The following MKX variants were observed in gnomAD, a reference collection of about 807,000 sequenced individuals.
MKX encodes homeobox protein Mohawk.
A neutral mutation model predicts 36.0 loss-of-function variants in MKX; 13 were observed. The observed-to-expected ratio is 0.36, with a 90% CI of 0.24 to 0.57. The LOEUF is 0.57. MKX is among the 20% of genes least tolerant of loss of function. MKX has a pLI of 0.79. For synonymous variants in MKX, 176 were observed against 178.3 expected, an observed-to-expected ratio of 0.99 and a Z score of 0.10; for missense variants, 458 against 456.4, an observed-to-expected ratio of 1.00 and a Z score of -0.03.
chr10:27,695,258 A>C (rs970235029), intron 5 of MKX, among the ~76,000 whole-genome samples: 1 of 152,088 alleles, frequency 6.6e-6, no homozygotes, highest in Non-Finnish European at 1.5e-5. Context: ...CTGAACATAG[A>C]AGGAGAAACG....
intron 5 of MKX, among the ~76,000 whole-genome samples, chr10:27,702,568 T>C (rs988164373): frequency 1.3e-5 from 2 of 152,302 alleles, no homozygotes; most frequent in South Asian, 2.1e-4. Context: ...TTATTATATA[T>C]TCAGTCAAGG....
chr10:27,703,656 T>C (rs541525415), intron 5 of MKX, among the ~76,000 whole-genome samples: 1 of 152,222 alleles, frequency 6.6e-6, no homozygotes, highest in Non-Finnish European at 1.5e-5. Context: ...CCCAACACTT[T>C]GGGAGGCCGT....
chr10:27,717,315 T>C (rs1257368206), intron 5 of MKX, among the ~76,000 whole-genome samples: 1 of 152,186 alleles, frequency 6.6e-6, no homozygotes, highest in Non-Finnish European at 1.5e-5. Flanking sequence ...AGCTACAAAA[T>C]TTGTGATGAT....
intron 5 of MKX, among the ~76,000 whole-genome samples, chr10:27,714,307 T>C (rs1836925539): frequency 6.6e-6 from 1 of 152,216 alleles, no homozygotes; most frequent in African/African-American, 2.4e-5. Flanking sequence ...CATGTTATTT[T>C]AGTTCAAGGA....
chr10:27,720,703 T>C (rs955338150), intron 5 of MKX, among the ~76,000 whole-genome samples: 4 of 152,090 alleles, frequency 2.6e-5, no homozygotes, highest in Non-Finnish European at 4.4e-5. Flanking sequence ...TACTCTATGG[T>C]AAAATATGAG....
rs888634746 is a variant in MKX at position 27,743,424 on chromosome 10, T to C, written c.-9A>G. 1.3e-6 allele frequency: 2 copies of C among 1,539,008 alleles called. No homozygotes were observed. Among genetic ancestry groups the C allele is most frequent in the African/African-American group, 2.8e-5 (2 of 71,366 alleles). ...AAGACGATGGTGTTCATGGTGTCGGTTGGTAGGGACGCGCGGCGCGGCCGC... is the reference window on the plus strand; with the variant it reads ...AAGACGATGGTGTTCATGGTGTCGGCTGGTAGGGACGCGCGGCGCGGCCGC... On this transcript the variant is annotated 5_prime_UTR_variant, in exon 2 of 7. Transcript: ENST00000419761.
At chr10:27,732,552 TTTA>T (rs1834655463) in intron 5 of MKX, among the ~76,000 whole-genome samples, 1 of 152,188 alleles carries the variant, frequency 6.6e-6, no homozygotes, top group Admixed American at 6.5e-5. Context: ...GCTTGTTTAA[TTTA>T]TTATTGTTTT....
intron 5 of MKX, among the ~76,000 whole-genome samples, chr10:27,697,632 A>T (rs1836578965): frequency 6.6e-6 from 1 of 152,326 alleles, no homozygotes; most frequent in South Asian, 2.1e-4. Flanking sequence ...GCTCTTCTCC[A>T]TGTTGTCTTT....
intron 5 of MKX, among the ~76,000 whole-genome samples, chr10:27,724,795 C>CT (rs1226109197): frequency 6.7e-5 from 9 of 134,738 alleles, no homozygotes; most frequent in South Asian, 2.6e-4. Context: ...ACACACACCC[C>CT]GCAGAAACCT....
intron 5 of MKX, among the ~76,000 whole-genome samples, chr10:27,706,197 A>G (rs1423618636): frequency 6.6e-6 from 1 of 152,124 alleles, no homozygotes; most frequent in Non-Finnish European, 1.5e-5. Flanking sequence ...ATGTTGTAGC[A>G]TGTGTCAGAA....
At chr10:27,703,502 A>G (rs1331363571) in intron 5 of MKX, among the ~76,000 whole-genome samples, 2 of 136,642 alleles carry the variant, frequency 1.5e-5, no homozygotes, top group Non-Finnish European at 3.1e-5. Flanking sequence ...GCAATAAGCT[A>G]GAGAAAGACA....
At chr10:27,691,843 T>C (rs1056404898) in intron 5 of MKX, among the ~76,000 whole-genome samples, 15 of 152,230 alleles carry the variant, frequency 9.9e-5, no homozygotes, top group African/African-American at 3.6e-4. Flanking sequence ...CTTAGGATGA[T>C]GGCCTTCAGC....
chr10:27,677,488 G>T (rs1836175429), intron 5 of MKX, among the ~76,000 whole-genome samples: 1 of 152,116 alleles, frequency 6.6e-6, no homozygotes, highest in Non-Finnish European at 1.5e-5. Flanking sequence ...AAATTTCCCA[G>T]GAAGAGATAG....
intron 5 of MKX, among the ~76,000 whole-genome samples, chr10:27,676,582 T>A (rs1375581053): frequency 6.6e-6 from 1 of 151,996 alleles, no homozygotes; most frequent in Non-Finnish European, 1.5e-5. Context: ...TTCACCATGT[T>A]GATCAGGCTG....
At chr10:27,739,765 C>A (rs1834854405) in intron 3 of MKX, among the ~76,000 whole-genome samples, 2 of 152,104 alleles carry the variant, frequency 1.3e-5, no homozygotes, top group African/African-American at 4.8e-5. Context: ...GCTCTATAAT[C>A]AGCCAAAATA....
Position 27,725,134 on chromosome 10 carries a change from C to T in MKX, c.838+9322G>A. On this transcript the variant is annotated intron_variant, in intron 5 of 6. Transcript: ENST00000419761. ...TCCAAGCAACAGAGAAACTCATAGC[C>T]AAAAGTGAACATTTTCAGGGACTTG... is the stretch of plus-strand genomic sequence containing the variant. 1.3e-5 allele frequency among the ~76,000 whole-genome samples: 2 copies of T among 152,102 alleles called. 1 individual carries two copies. Among genetic ancestry groups the T allele is most frequent in the Admixed American group, 1.3e-4 (2 of 15,246 alleles).
chr10:27,677,154 T>G (rs1212697442), intron 5 of MKX, among the ~76,000 whole-genome samples: 1 of 152,130 alleles, frequency 6.6e-6, no homozygotes, highest in Non-Finnish European at 1.5e-5. Flanking sequence ...GTCATCATCA[T>G]CCACAACAAT....
At chr10:27,739,608 T>C (rs1834850776) in intron 3 of MKX, among the ~76,000 whole-genome samples, 1 of 152,154 alleles carries the variant, frequency 6.6e-6, no homozygotes, top group African/African-American at 2.4e-5. Context: ...ACTACTTGTA[T>C]TGCAGCTCAA....
chr10:27,709,777 C>G (rs1050587879), intron 5 of MKX, among the ~76,000 whole-genome samples: 1 of 152,154 alleles, frequency 6.6e-6, no homozygotes, highest in Non-Finnish European at 1.5e-5. Flanking sequence ...ACCACCACCA[C>G]CATTTGGGAA....
Sources: allele counts gnomAD v4.1 joint callset (sites outside exome capture counted in the v4.1 genomes callset), GRCh38; gene constraint gnomAD v4.1.1; transcripts MANE v1.5; gene names NCBI Gene and HGNC (gene_info 2026-07-23, HGNC 2026-07-21).